ZRANB3: variants seen among roughly 807,000 people sequenced by gnomAD.
ZRANB3 encodes the protein DNA annealing helicase and endonuclease ZRANB3.
Under a neutral mutation model 133.8 loss-of-function variants are expected in ZRANB3, and 125 were observed. The observed-to-expected ratio is 0.93, with a 90% CI of 0.81 to 1.08. The LOEUF (loss-of-function observed/expected upper bound fraction) is 1.08. ZRANB3 is among the 50% of genes least tolerant of loss of function. ZRANB3 has a pLI of 0.00. For synonymous variants in ZRANB3, 387 were observed against 432.7 expected (o/e 0.89, Z 1.31); for missense variants, 1,229 against 1,275.5 (o/e 0.96, Z 0.56).
intron 2 of ZRANB3, among the ~76,000 whole-genome samples, chr2:135,399,834 T>C (rs555888707): frequency 6.6e-6 from 1 of 152,334 alleles, no homozygotes; most frequent in African/African-American, 2.4e-5. Context: ...TTTCTGTAAC[T>C]GGTGATCTCT....
intron 6 of ZRANB3, among the ~76,000 whole-genome samples, chr2:135,344,445 T>C (rs1684828973): frequency 6.6e-6 from 1 of 152,082 alleles, no homozygotes; most frequent in Admixed American, 6.5e-5. Flanking sequence ...GCATTTAAAA[T>C]GAATAACAGG....
chr2:135,506,119 A>G (rs974458241), intron 1 of ZRANB3, among the ~76,000 whole-genome samples: 1 of 152,196 alleles, frequency 6.6e-6, no homozygotes, highest in Non-Finnish European at 1.5e-5. Flanking sequence ...GACCAGACAC[A>G]GCAGTTCATG....
At chr2:135,436,653 A>G (rs1342454247) in intron 2 of ZRANB3, among the ~76,000 whole-genome samples, 1 of 152,248 alleles carries the variant, frequency 6.6e-6, no homozygotes, top group Non-Finnish European at 1.5e-5. Flanking sequence ...GCTCATGGAT[A>G]CAAAGAATCA....
At chr2:135,505,351 G>A (rs1353216173) in intron 1 of ZRANB3, among the ~76,000 whole-genome samples, 1 of 152,084 alleles carries the variant, frequency 6.6e-6, no homozygotes, top group African/African-American at 2.4e-5. Context: ...CGAGGTGGGT[G>A]GATCATGAGG....
intron 2 of ZRANB3, among the ~76,000 whole-genome samples, chr2:135,437,073 C>A (rs1406575230): frequency 6.6e-6 from 1 of 152,180 alleles, no homozygotes. Context: ...GATTCTCCTG[C>A]CTCCGCTTCC....
At position 135,341,783 on chromosome 2, in the gene ZRANB3, G is replaced by T. The variant is rs1422832900; in HGVS notation, c.677+3767C>A. Among the ~76,000 whole-genome samples, 2 of 150,156 alleles carry T rather than the reference G, an allele frequency of 1.3e-5. 1 individual carries two copies. Among genetic ancestry groups the T allele is most frequent in the African/African-American group, 5.1e-5 (2 of 39,464 alleles). On this transcript the variant is annotated intron_variant, in intron 6 of 20. Coordinates refer to ENST00000264159, the MANE Select transcript of ZRANB3 (RefSeq NM_032143.4). ...GCTCTGGGAGTGTCTGCCTTATGCA[G>T]TTGTAGATAGGGATGAAACACGCCC...
chr2:135,280,845 G>A (rs1375393629), intron 8 of ZRANB3, among the ~76,000 whole-genome samples: 1 of 152,158 alleles, frequency 6.6e-6, no homozygotes, highest in African/African-American at 2.4e-5. Context: ...AGCCCTCTTT[G>A]CAACTAAGCC....
intron 8 of ZRANB3, among the ~76,000 whole-genome samples, chr2:135,291,429 C>A (rs1172699288): frequency 1.4e-5 from 2 of 148,124 alleles, no homozygotes; most frequent in African/African-American, 5.0e-5. Context: ...GTGATCCAGC[C>A]CCCTCGGCCT....
chr2:135,472,915 G>A (rs1040319330), intron 2 of ZRANB3, among the ~76,000 whole-genome samples: 1 of 152,158 alleles, frequency 6.6e-6, no homozygotes, highest in African/African-American at 2.4e-5. Flanking sequence ...CCTTATATAT[G>A]TAACACTTCT....
chr2:135,295,718 G>C (rs1357875758), intron 8 of ZRANB3, among the ~76,000 whole-genome samples: 1 of 152,114 alleles, frequency 6.6e-6, no homozygotes, highest in East Asian at 1.9e-4. Flanking sequence ...GCTTGTACTG[G>C]TTTTTCCTTT....
intron 2 of ZRANB3, among the ~76,000 whole-genome samples, chr2:135,440,883 A>G (rs1689750527): frequency 6.6e-6 from 1 of 152,216 alleles, no homozygotes; most frequent in Admixed American, 6.5e-5. Context: ...ATGAGAACAA[A>G]TAATTAGTGA....
At chr2:135,510,203 C>T (rs975044513) in intron 1 of ZRANB3, among the ~76,000 whole-genome samples, 2 of 152,162 alleles carry the variant, frequency 1.3e-5, no homozygotes, top group African/African-American at 2.4e-5. Flanking sequence ...GTCAGTAATA[C>T]GCAAGACACA....
intron 1 of ZRANB3, among the ~76,000 whole-genome samples, chr2:135,516,680 C>A (rs1363955508): frequency 6.6e-6 from 1 of 152,146 alleles, no homozygotes; most frequent in Non-Finnish European, 1.5e-5. Context: ...GGTAACCCAG[C>A]CTTTCTCTCT....
At chr2:135,417,206 A>G (rs1009808672) in intron 2 of ZRANB3, among the ~76,000 whole-genome samples, 2 of 152,206 alleles carry the variant, frequency 1.3e-5, no homozygotes, top group Admixed American at 1.3e-4. Context: ...TTTGCAATCT[A>G]TTCATCTGAC....
intron 12 of ZRANB3, among the ~76,000 whole-genome samples, chr2:135,234,810 C>G (rs1310699149): frequency 1.3e-5 from 2 of 152,000 alleles, no homozygotes; most frequent in Non-Finnish European, 2.9e-5. Flanking sequence ...GAAATTTATA[C>G]CACTAAATGC....
Position 135,217,513 on chromosome 2 carries a change from G to A in ZRANB3, c.2447C>T (p.Ala816Val). ...SGQLFCSPIL[A>V]LEEITKQQTK... ...TTGTTGCTTTGTGATCTCTTCCAAA[G>A]CAAGAATTGGGCTACAGAATAGCTG... Residue 816 changes from alanine (A) to valine (V), a missense_variant, in exon 17 of 21, where the codon GCT (alanine) becomes GTT (valine). Coordinates refer to ENST00000264159, the MANE Select transcript of ZRANB3 (RefSeq NM_032143.4). The A allele has an allele frequency of 6.2e-7, 1 of 1,613,450 alleles. No individual in the cohort carries two copies. The highest frequency in any genetic ancestry group is 1.1e-5 in the South Asian group (1 of 90,932).
At chr2:135,406,192 AC>A (rs1476126214) in intron 2 of ZRANB3, among the ~76,000 whole-genome samples, 1 of 152,190 alleles carries the variant, frequency 6.6e-6, no homozygotes, top group Non-Finnish European at 1.5e-5. Flanking sequence ...TACTACAAAC[AC>A]CTCTACACAA....
At chr2:135,447,002 T>A (rs1690052049) in intron 2 of ZRANB3, among the ~76,000 whole-genome samples, 1 of 152,146 alleles carries the variant, frequency 6.6e-6, no homozygotes, top group African/African-American at 2.4e-5. Context: ...TTTCCTCTAT[T>A]TTTCTGTCTT....
At chr2:135,487,015 G>A (rs1246284114) in intron 2 of ZRANB3, among the ~76,000 whole-genome samples, 1 of 152,182 alleles carries the variant, frequency 6.6e-6, no homozygotes, top group African/African-American at 2.4e-5. Flanking sequence ...GGCAACTACA[G>A]CCTTACAAAA....
Sources: gnomAD v4.1 joint callset for allele counts (sites outside exome capture counted in the v4.1 genomes callset) on GRCh38, gnomAD v4.1.1 for gene constraint, MANE v1.5 for transcripts, NCBI Gene and HGNC (gene_info 2026-07-23, HGNC 2026-07-21) for gene names.